Variants in SHROOM3 observed in about 807,000 individuals in gnomAD.
SHROOM3 encodes the protein shroom family member 3.
In SHROOM3, 47 loss-of-function variants were observed where a neutral mutation model predicts 138.6. The observed-to-expected ratio is 0.34, with a 90% confidence interval of 0.27 to 0.43. The LOEUF is 0.43. Ranked by LOEUF, SHROOM3 falls within the 20% of genes least tolerant of loss-of-function variation. The pLI is 1.00. For synonymous variants in SHROOM3, 1,062 were observed against 1,063.3 expected (o/e 1.00, Z 0.02); for missense variants, 2,491 against 2,596.5 (o/e 0.96, Z 0.88).
At chr4:76,723,421 GTTAA>G (rs922098142) in intron 3 of SHROOM3, among the ~76,000 whole-genome samples, 3 of 152,030 alleles carry the variant, frequency 2.0e-5, no homozygotes, top group Admixed American at 6.6e-5. Context: ...TCTTTGCATG[GTTAA>G]TTATTTCTTA....
chr4:76,541,623 G>GCA (rs751594734), intron 1 of SHROOM3, among the ~76,000 whole-genome samples: 9 of 140,172 alleles, frequency 6.4e-5, no homozygotes, highest in East Asian at 3.9e-4. Context: ...ACATATGTGG[G>GCA]CGCACACACA....
At chr4:76,503,797 G>A (rs1579198841) in intron 1 of SHROOM3, among the ~76,000 whole-genome samples, 1 of 152,212 alleles carries the variant, frequency 6.6e-6, no homozygotes. Context: ...TATATCTGTG[G>A]AAGGCATTTG....
chr4:76,606,626 C>T (rs1376397767), intron 2 of SHROOM3, among the ~76,000 whole-genome samples: 2 of 151,984 alleles, frequency 1.3e-5, no homozygotes, highest in Non-Finnish European at 2.9e-5. Flanking sequence ...TCACTTGAAC[C>T]CTGGAGGCAG....
chr4:76,464,693 T>G (rs1731216732), intron 1 of SHROOM3, among the ~76,000 whole-genome samples: 1 of 152,174 alleles, frequency 6.6e-6, no homozygotes, highest in South Asian at 2.1e-4. Context: ...GGGGGTGGAT[T>G]TCTCCCTTGC....
At chr4:76,683,761 T>A (rs1719262022) in intron 2 of SHROOM3, among the ~76,000 whole-genome samples, 1 of 152,256 alleles carries the variant, frequency 6.6e-6, no homozygotes, top group Non-Finnish European at 1.5e-5. Flanking sequence ...TTGATGGAAC[T>A]ACTTTAGAAC....
chr4:76,546,821 C>T (rs1733229923), intron 1 of SHROOM3, among the ~76,000 whole-genome samples: 1 of 152,212 alleles, frequency 6.6e-6, no homozygotes, highest in African/African-American at 2.4e-5. Context: ...CCCTCAATCA[C>T]ATACCCCTGC....
intron 10 of SHROOM3, among the ~76,000 whole-genome samples, chr4:76,773,633 ACT>A (rs1459755977): frequency 6.6e-6 from 1 of 152,144 alleles, no homozygotes; most frequent in Non-Finnish European, 1.5e-5. Flanking sequence ...GCCCTATAGC[ACT>A]GAGGCCCTGG....
Position 76,781,515 on chromosome 4 carries a change from G to A in SHROOM3, c.*2338G>A, listed in dbSNP as rs1722737263. ...CTTGGCATGCCACAAACATCTGAAA[G>A]CTTGTGACACTCCTAGGATTGTGTC... On this transcript the variant is annotated 3_prime_UTR_variant, in exon 11 of 11. Coordinates refer to ENST00000296043, the MANE Select transcript of SHROOM3 (RefSeq NM_020859.4). 6.6e-6 allele frequency: 1 copy of A among 152,188 alleles called. No individual in the cohort carries two copies. Among genetic ancestry groups the A allele is most frequent in the Non-Finnish European group, 1.5e-5 (1 of 68,030 alleles). 9.4% of individuals were successfully genotyped at this position (152,188 alleles called of 1,614,324 possible).
At chr4:76,619,344 AGT>A (rs1734949496) in intron 2 of SHROOM3, among the ~76,000 whole-genome samples, 1 of 152,182 alleles carries the variant, frequency 6.6e-6, no homozygotes, top group Non-Finnish European at 1.5e-5. Flanking sequence ...CACAGTGCTG[AGT>A]CCCTGTGTCA....
chr4:76,552,106 C>A (rs900303155), intron 1 of SHROOM3, among the ~76,000 whole-genome samples: 4 of 150,390 alleles, frequency 2.7e-5, no homozygotes, highest in African/African-American at 9.7e-5. Flanking sequence ...TGTGATCCGC[C>A]CGCCTCGGCC....
At chr4:76,482,852 C>T (rs1435852603) in intron 1 of SHROOM3, among the ~76,000 whole-genome samples, 2 of 152,028 alleles carry the variant, frequency 1.3e-5, no homozygotes, top group African/African-American at 4.8e-5. Context: ...GCCACACATC[C>T]ACAACCATCT....
intron 4 of SHROOM3, among the ~76,000 whole-genome samples, chr4:76,733,367 G>C (rs756217160): frequency 1.3e-5 from 2 of 152,152 alleles, no homozygotes; most frequent in Non-Finnish European, 1.5e-5. Flanking sequence ...CTACCACTCT[G>C]TCTCTCTGAT....
chr4:76,577,506 G>T (rs1186412914), intron 2 of SHROOM3, among the ~76,000 whole-genome samples: 2 of 152,152 alleles, frequency 1.3e-5, no homozygotes, highest in Admixed American at 1.3e-4. Context: ...AGATGGTGGG[G>T]CTGTAGACCA....
chr4:76,734,479 T>C (rs1394409947), intron 4 of SHROOM3, among the ~76,000 whole-genome samples: 1 of 152,142 alleles, frequency 6.6e-6, no homozygotes, highest in Non-Finnish European at 1.5e-5. Flanking sequence ...CATACACTTA[T>C]TTTGTGCTCT....
chr4:76,754,717 G>C lies in SHROOM3; in HGVS notation c.4234G>C (p.Val1412Leu). The change falls in exon 7 of 11, where the codon GTA (valine) becomes CTA (leucine). Residue 1412 changes from valine (V) to leucine (L), a missense_variant. Transcript: ENST00000296043. Reference sequence around the variant, plus strand: ...TGAGGGCGATGGCCCAGAGCATGGGGTAGAAGAGGGAACGAGGAAGAGGGT... The same window carrying C: ...TGAGGGCGATGGCCCAGAGCATGGGCTAGAAGAGGGAACGAGGAAGAGGGT... ...GCEGDGPEHG[V>L]EEGTRKRVSL... 6.2e-7 allele frequency: 1 copy of C among 1,614,216 alleles called. No homozygotes were observed. Among genetic ancestry groups the C allele is most frequent in the Non-Finnish European group, 8.5e-7 (1 of 1,180,042 alleles).
chr4:76,476,432 T>C (rs4129337), intron 1 of SHROOM3, among the ~76,000 whole-genome samples: 11,810 of 152,256 alleles, frequency 0.078, 632 homozygotes, highest in East Asian at 0.19. Flanking sequence ...TTAAGAAACT[T>C]GGCTTCAGAG....
intron 1 of SHROOM3, among the ~76,000 whole-genome samples, chr4:76,450,254 G>T (rs971287585): frequency 3.9e-5 from 6 of 152,290 alleles, no homozygotes; most frequent in African/African-American, 1.2e-4. Flanking sequence ...ATTTCAGAGA[G>T]ATTAAAAGTA....
chr4:76,539,773 G>A (rs1172933513), intron 1 of SHROOM3, among the ~76,000 whole-genome samples: 1 of 152,146 alleles, frequency 6.6e-6, no homozygotes, highest in Non-Finnish European at 1.5e-5. Context: ...CCAATATATG[G>A]CCTCTAATGT....
At chr4:76,737,237 C>T (rs1200277257) in intron 4 of SHROOM3, among the ~76,000 whole-genome samples, 1 of 147,112 alleles carries the variant, frequency 6.8e-6, no homozygotes. Flanking sequence ...TAGTTTCTTT[C>T]ATATTTTTTT....
Sources: allele counts gnomAD v4.1 joint callset (sites outside exome capture counted in the v4.1 genomes callset), GRCh38; gene constraint gnomAD v4.1.1; transcripts MANE v1.5; gene names NCBI Gene and HGNC (gene_info 2026-07-23, HGNC 2026-07-21).